Variants in USP15 observed in about 807,000 individuals in gnomAD.
USP15 encodes ubiquitin specific peptidase 15.
USP15 carries 18 observed loss-of-function variants against 127.1 expected under a neutral mutation model. The observed-to-expected ratio is 0.14, with a 90% CI of 0.10 to 0.21. The LOEUF (loss-of-function observed/expected upper bound fraction) is 0.21. Ranked by LOEUF, USP15 falls within the 10% of genes least tolerant of loss-of-function variation. The pLI is 1.00. For missense variants in USP15, 805 were observed against 1,159.9 expected, an observed-to-expected ratio of 0.69 and a Z score of 4.44; for synonymous variants, 364 against 393.7, an observed-to-expected ratio of 0.92 and a Z score of 0.89.
intron 1 of USP15, chr12:62,267,181 T>C (rs1565800009): frequency 6.6e-6 from 1 of 152,178 alleles, no homozygotes. Flanking sequence ...ACCACTGTAA[T>C]TCACATTCTG....
chr12:62,264,593 G>T lies in USP15; in HGVS notation c.89+4090G>T, dbSNP rs1050215415. On this transcript the variant is annotated intron_variant, in intron 1 of 21. Transcript: ENST00000280377. ...CATTTTCATTTCAATAATTGCCAAA[G>T]AATCTGATCAGTGAAGTTTTAGACA... Among the ~76,000 whole-genome samples, 10 of 152,254 alleles carry T rather than the reference G, an allele frequency of 6.6e-5. No homozygotes were observed. In the East Asian group the frequency reaches 1.9e-3, roughly 29 times the overall value.
intron 1 of USP15, among the ~76,000 whole-genome samples, chr12:62,262,703 A>G (rs2063103172): frequency 6.6e-6 from 1 of 152,090 alleles, no homozygotes; most frequent in Admixed American, 6.6e-5. Flanking sequence ...ACAGTGTCTC[A>G]CTATATTGCC....
intron 7 of USP15, among the ~76,000 whole-genome samples, chr12:62,352,256 T>C (rs2065986846): frequency 1.3e-5 from 2 of 151,886 alleles, no homozygotes; most frequent in African/African-American, 4.8e-5. Context: ...AATTATTTCA[T>C]TTAAGTTTAA....
chr12:62,291,810 G>A lies in USP15; in HGVS notation c.90-2369G>A, dbSNP rs181236724. On this transcript the variant is annotated intron_variant, in intron 1 of 21. Coordinates refer to ENST00000280377, the MANE Select transcript of USP15 (RefSeq NM_001252078.2). ...TTGGTGGCTTTCTCAAACATCAGGT[G>A]TGATAGTGGTATACTTGGCTTGTGA... 2.0e-4 allele frequency among the ~76,000 whole-genome samples: 31 copies of A among 152,318 alleles called. No individual in the cohort carries two copies. The East Asian group carries it at 5.4e-3, about 27-fold the overall frequency.
chr12:62,364,375 A>G (rs1009994346), intron 8 of USP15, among the ~76,000 whole-genome samples: 1 of 152,140 alleles, frequency 6.6e-6, no homozygotes, highest in Non-Finnish European at 1.5e-5. Context: ...AATAGTATAA[A>G]TGTATTCACT....
intron 6 of USP15, among the ~76,000 whole-genome samples, chr12:62,348,404 A>T (rs888651052): frequency 3.3e-5 from 5 of 152,200 alleles, no homozygotes; most frequent in African/African-American, 1.2e-4. Flanking sequence ...AATATTTAAA[A>T]GTGAATCATT....
intron 7 of USP15, among the ~76,000 whole-genome samples, chr12:62,351,300 A>G (rs767298593): frequency 7.3e-5 from 11 of 151,670 alleles, no homozygotes; most frequent in Non-Finnish European, 1.2e-4. Flanking sequence ...CCAAAAAAAA[A>G]GAGTGAAAAT....
Position 62,405,872 on chromosome 12 carries a change from T to C in USP15, c.*1497T>C, listed in dbSNP as rs2067850214. On this transcript the variant is annotated 3_prime_UTR_variant, in exon 22 of 22. Transcript: ENST00000280377. ...CATTTAAAAGTTTAAAAAAAATGCATTTGACCAGGATAAATGAGGTATGTT... is the reference window on the plus strand; with the variant it reads ...CATTTAAAAGTTTAAAAAAAATGCACTTGACCAGGATAAATGAGGTATGTT... 1 of 152,528 alleles carries C rather than the reference T, an allele frequency of 6.6e-6. No homozygotes were observed. The highest frequency in any genetic ancestry group is 6.6e-5 in the Admixed American group (1 of 15,254). 9.4% of individuals were successfully genotyped at this position (152,528 alleles called of 1,614,324 possible).
At chr12:62,310,218 T>C (rs2064622073) in intron 3 of USP15, among the ~76,000 whole-genome samples, 1 of 151,970 alleles carries the variant, frequency 6.6e-6, no homozygotes, top group African/African-American at 2.4e-5. Flanking sequence ...CTGTTACATA[T>C]ATATAATAAG....
intron 6 of USP15, among the ~76,000 whole-genome samples, chr12:62,346,726 A>C (rs2065828328): frequency 6.6e-6 from 1 of 152,234 alleles, no homozygotes; most frequent in African/African-American, 2.4e-5. Context: ...AAATCTTTCC[A>C]CATGCTCCAG....
rs1477267829 is a variant in USP15, at chr12:62,412,945, T to C, written c.*8570T>C. On this transcript the variant is annotated 3_prime_UTR_variant, in exon 22 of 22. Coordinates refer to ENST00000280377, the MANE Select transcript of USP15 (RefSeq NM_001252078.2). Reference sequence around the variant, plus strand: ...AAGGTTTTTATTTTGCCCAGATCCATCAGAGGAATCACTATCTATGAAAGC... The same window carrying C: ...AAGGTTTTTATTTTGCCCAGATCCACCAGAGGAATCACTATCTATGAAAGC... 6.6e-6 allele frequency: 1 copy of C among 152,234 alleles called. No individual in the cohort carries two copies. Among genetic ancestry groups the C allele is most frequent in the African/African-American group, 2.4e-5 (1 of 41,464 alleles). The allele number at this position is 152,234 out of a possible 1,614,324, so 9.4% of individuals were successfully genotyped here.
Position 62,326,024 on chromosome 12 carries a change from G to A in USP15, c.683+91G>A, listed in dbSNP as rs182127887. 20 of 1,071,968 alleles carry A rather than the reference G, an allele frequency of 1.9e-5. No homozygotes were observed. The East Asian group carries it at 2.0e-4, about 11-fold the overall frequency. The allele number at this position is 1,071,968 out of a possible 1,614,324, so 66.4% of individuals were successfully genotyped here. ...TCCACAATGATAGAAGAACCTAGAT[G>A]TGTATTGCAGAAATTCATGCCTTGT... On this transcript the variant is annotated intron_variant, in intron 6 of 21. Coordinates refer to ENST00000280377, the MANE Select transcript of USP15 (RefSeq NM_001252078.2).
intron 6 of USP15, among the ~76,000 whole-genome samples, chr12:62,330,329 C>T (rs894681934): frequency 3.3e-5 from 5 of 151,546 alleles, no homozygotes; most frequent in African/African-American, 1.2e-4. Context: ...TGGCTCATGC[C>T]TGTAATCCTA....
At position 62,392,141 on chromosome 12, in the gene USP15, T is replaced by C. The variant is rs536620256; in HGVS notation, c.2305-131T>C. On this transcript the variant is annotated intron_variant, in intron 17 of 21. Transcript: ENST00000280377. ...GGAATTATTTAGAAGTATATAAATC[T>C]CAACTGAAATAAGCTTTATGATTCT... The C allele has an allele frequency of 1.4e-5, 10 of 731,186 alleles. No individual in the cohort carries two copies. The East Asian group carries it at 2.8e-4, about 20-fold the overall frequency. 45.3% of individuals were successfully genotyped at this position (731,186 alleles called of 1,614,324 possible).
At position 62,415,049 on chromosome 12, in the gene USP15, A is replaced by G. The variant is rs2068125399; in HGVS notation, c.*10674A>G. ...AGAAAGATTTATAAGGAATTAGTTCATGCACTTAGGCTGAGAAGTCTCATG... is the reference window on the plus strand; with the variant it reads ...AGAAAGATTTATAAGGAATTAGTTCGTGCACTTAGGCTGAGAAGTCTCATG... On this transcript the variant is annotated 3_prime_UTR_variant, in exon 22 of 22. Coordinates refer to ENST00000280377, the MANE Select transcript of USP15 (RefSeq NM_001252078.2). 6.6e-6 allele frequency: 1 copy of G among 151,978 alleles called. No individual in the cohort carries two copies. The highest frequency in any genetic ancestry group is 6.6e-5 in the Admixed American group (1 of 15,252). The allele number at this position is 151,978 out of a possible 1,614,324, so 9.4% of individuals were successfully genotyped here. A position where few individuals can be genotyped will look rare whatever the true frequency, so the allele number is the denominator to read the frequency against.
At chr12:62,316,196 A>C (rs780534853) in intron 4 of USP15, among the ~76,000 whole-genome samples, 1 of 151,698 alleles carries the variant, frequency 6.6e-6, no homozygotes, top group Non-Finnish European at 1.5e-5. Context: ...TGAGGCAAAA[A>C]AATTGCTTGA....
rs776979408 is a variant in USP15, at chr12:62,410,780, A to T, written c.*6405A>T. ...AATTTCATTTTTGAAGCTGTCGTTA[A>T]AAGTATATATTTTTAGCAAAGGAAT... is the stretch of plus-strand genomic sequence containing the variant. On this transcript the variant is annotated 3_prime_UTR_variant, in exon 22 of 22. Transcript: ENST00000280377. 4.6e-5 allele frequency: 7 copies of T among 152,240 alleles called. No homozygotes were observed. The highest frequency in any genetic ancestry group is 3.4e-3 in the Middle Eastern group (1 of 290). 9.4% of individuals were successfully genotyped at this position (152,240 alleles called of 1,614,324 possible).
intron 1 of USP15, among the ~76,000 whole-genome samples, chr12:62,265,268 G>A (rs11174405): frequency 6.6e-5 from 10 of 152,032 alleles, no homozygotes; most frequent in African/African-American, 9.7e-5. Flanking sequence ...TTGCTTCTAC[G>A]TAAGTGTAAC....
chr12:62,362,600 A>C (rs78868345), intron 8 of USP15, among the ~76,000 whole-genome samples: 1 of 152,182 alleles, frequency 6.6e-6, no homozygotes, highest in East Asian at 1.9e-4. Flanking sequence ...AATATTGTAG[A>C]TTATCAAGCT....
Sources: gnomAD v4.1 joint callset for allele counts (sites outside exome capture counted in the v4.1 genomes callset) on GRCh38, gnomAD v4.1.1 for gene constraint, MANE v1.5 for transcripts, NCBI Gene and HGNC (gene_info 2026-07-23, HGNC 2026-07-21) for gene names.